The following GALNS variants were observed in gnomAD, a reference collection of about 807,000 sequenced individuals.
The protein encoded by GALNS is N-acetylgalactosamine-6-sulfatase.
Under a neutral mutation model 65.9 loss-of-function variants are expected in GALNS, and 65 were observed. The observed-to-expected ratio is 0.99, with a 90% CI of 0.81 to 1.21. GALNS has a LOEUF of 1.21. Ranked by LOEUF, GALNS falls within the 50% of genes most tolerant of loss-of-function variation. GALNS has a pLI of 0.00. For missense variants in GALNS, 776 were observed against 700.7 expected (o/e 1.11, Z -1.21); for synonymous variants, 346 against 288.9 (o/e 1.20, Z -2.00).
intron 2 of GALNS, 109 bp downstream of exon 2, chr16:88,842,597 G>C (rs962146895): frequency 9.5e-6 from 13 of 1,365,378 alleles, no homozygotes; most frequent in East Asian, 5.0e-5. Flanking sequence ...TGCAGTAGTA[G>C]GAATAGACAA....
At position 88,813,866 on chromosome 16, in the gene GALNS, T is replaced by C. The variant is rs551511278; in HGVS notation, c.*573A>G. ...CTTGTGGACAAAGGACAGACGGAAC[T>C]GGAAGTCATCCCTCTGGGGCTCCCC... On this transcript the variant is annotated 3_prime_UTR_variant, in exon 14 of 14. Coordinates refer to ENST00000268695, the MANE Select transcript of GALNS (RefSeq NM_000512.5). The C allele has an allele frequency of 4.6e-4, 76 of 164,014 alleles. No individual in the cohort carries two copies. Among genetic ancestry groups the C allele is most frequent in the Admixed American group, 4.1e-3 (73 of 17,744 alleles). 10.2% of individuals were successfully genotyped at this position (164,014 alleles called of 1,614,324 possible).
chr16:88,855,031 G>C, intron 1 of GALNS: 3 of 339,620 alleles, frequency 8.8e-6, no homozygotes, highest in South Asian at 2.3e-5. Flanking sequence ...CACCCTGCAC[G>C]GCCTGAACCC....
intron 3 of GALNS, 35 bp from the exon 4 acceptor site, chr16:88,841,129 C>T: frequency 6.5e-7 from 1 of 1,548,276 alleles, no homozygotes; most frequent in East Asian, 2.2e-5. Flanking sequence ...CCCGAGGAGA[C>T]CCCGAGAAGC....
chr16:88,837,495 C>T (rs540728382), intron 5 of GALNS, 127 bp downstream of exon 5: 46 of 982,214 alleles, frequency 4.7e-5, no homozygotes, highest in Middle Eastern at 3.3e-4. Flanking sequence ...CCTCGGTGCC[C>T]GGGGACCCAG....
At chr16:88,855,522 A>G in intron 1 of GALNS, 1 of 702,652 alleles carries the variant, frequency 1.4e-6, no homozygotes, top group South Asian at 1.5e-5. Context: ...GAAAGCAGTC[A>G]CTGCACACAA....
chr16:88,853,523 G>A (rs941706883), intron 1 of GALNS, among the ~76,000 whole-genome samples: 2 of 152,276 alleles, frequency 1.3e-5, no homozygotes, highest in African/African-American at 4.8e-5. Flanking sequence ...GGGTGGCCCT[G>A]ACTCTCCACT....
At chr16:88,849,063 A>T (rs2143008423) in intron 1 of GALNS, among the ~76,000 whole-genome samples, 1 of 152,272 alleles carries the variant, frequency 6.6e-6, no homozygotes, top group Middle Eastern at 3.4e-3. Context: ...AAGGCCCTCC[A>T]TGTCTCATGG....
rs2161729 is a variant in GALNS at position 88,825,580 on chromosome 16, T to C, written c.1140-711A>G. 2.7e-3 allele frequency among the ~76,000 whole-genome samples: 202 copies of C among 74,820 alleles called. 6 individuals carry two copies. The East Asian group carries it at 0.13, about 47-fold the overall frequency. 49.1% of individuals were successfully genotyped at this position (74,820 alleles called of 152,430 possible). Reference sequence around the variant, plus strand: ...TCCGGGACTGGGATTCCTGGGCAGCTGGGGCTGGGGTGCCTGGGTGTCTGG... The same window carrying C: ...TCCGGGACTGGGATTCCTGGGCAGCCGGGGCTGGGGTGCCTGGGTGTCTGG... On this transcript the variant is annotated intron_variant, in intron 10 of 13. Coordinates refer to ENST00000268695, the MANE Select transcript of GALNS (RefSeq NM_000512.5).
intron 1 of GALNS, chr16:88,843,558 T>G (rs948658267): frequency 8.3e-6 from 2 of 240,052 alleles, no homozygotes; most frequent in Admixed American, 4.8e-5. Context: ...GGGCCCTCAA[T>G]CCTATGACTG....
chr16:88,843,146 A>G (rs757680928), intron 1 of GALNS: 1 of 1,422,042 alleles, frequency 7.0e-7, no homozygotes, highest in South Asian at 1.2e-5. Flanking sequence ...GCCTCCTCCC[A>G]GCCTGACACC....
chr16:88,852,280 C>T (rs1386983059), intron 1 of GALNS, among the ~76,000 whole-genome samples: 1 of 152,206 alleles, frequency 6.6e-6, no homozygotes, highest in Non-Finnish European at 1.5e-5. Flanking sequence ...AACAGACCTG[C>T]AGCTGAGGGA....
At chr16:88,833,475 G>A (rs1315599043) in intron 8 of GALNS, among the ~76,000 whole-genome samples, 1 of 135,722 alleles carries the variant, frequency 7.4e-6, no homozygotes, top group Non-Finnish European at 1.5e-5. Flanking sequence ...TTTTTGACAT[G>A]GAGTCTCGCT....
intron 13 of GALNS, chr16:88,815,172 C>T (rs1039538377): frequency 3.0e-6 from 3 of 985,378 alleles, no homozygotes; most frequent in African/African-American, 3.5e-5. Context: ...AGATGGCACC[C>T]TCTTGACTCG....
intron 1 of GALNS, chr16:88,855,571 G>A (rs1203035111): frequency 2.9e-6 from 2 of 688,554 alleles, no homozygotes; most frequent in Admixed American, 2.1e-5. Flanking sequence ...GCCCAGGACT[G>A]TCGGCTGTCA....
chr16:88,850,923 G>A (rs956728098), intron 1 of GALNS, among the ~76,000 whole-genome samples: 4 of 152,320 alleles, frequency 2.6e-5, no homozygotes, highest in African/African-American at 4.8e-5. Context: ...TCCTATCAGC[G>A]AACAGCGGGG....
chr16:88,820,051 C>T (rs1910043457), intron 12 of GALNS, among the ~76,000 whole-genome samples: 1 of 151,980 alleles, frequency 6.6e-6, no homozygotes, highest in Non-Finnish European at 1.5e-5. Flanking sequence ...TGGTCTCAAA[C>T]TCCTGGGGCT....
chr16:88,856,413 C>G, intron 1 of GALNS: 2 of 701,338 alleles, frequency 2.9e-6, no homozygotes, highest in South Asian at 3.0e-5. Flanking sequence ...AAAGGTCAGA[C>G]GGGGGAGGCA....
intron 1 of GALNS, among the ~76,000 whole-genome samples, chr16:88,846,966 A>ACCTGTATGTGTGTC: frequency 6.6e-6 from 1 of 152,182 alleles, no homozygotes; most frequent in Admixed American, 6.5e-5. Flanking sequence ...GACATTCACG[A>ACCTGTATGTGTGTC]CACCTGGTTG....
chr16:88,833,077 CAAAAA>C lies in GALNS; in HGVS notation c.899-981_899-977del, dbSNP rs869226834. The stretch of plus-strand genomic sequence containing the variant: ...TGGGCAACAGAGCGAGACTCCTTCT[CAAAAA>C]AAAAAAAAAAAAAAAAAAGAAAATA... On this transcript the variant is annotated intron_variant, in intron 8 of 13. Coordinates refer to ENST00000268695, the MANE Select transcript of GALNS (RefSeq NM_000512.5). 8.0e-5 allele frequency among the ~76,000 whole-genome samples: 6 copies of C among 74,644 alleles called. 1 individual carries two copies. Among genetic ancestry groups the C allele is most frequent in the Admixed American group, 7.4e-4 (5 of 6,734 alleles). The allele number at this position is 74,644 out of a possible 152,430, so 49.0% of individuals were successfully genotyped here. A position where few individuals can be genotyped will look rare whatever the true frequency, so the allele number is the denominator to read the frequency against.
Sources: allele counts gnomAD v4.1 joint callset (sites outside exome capture counted in the v4.1 genomes callset), GRCh38; gene constraint gnomAD v4.1.1; transcripts MANE v1.5; gene names NCBI Gene and HGNC (gene_info 2026-07-23, HGNC 2026-07-21).